Variants in IGSF21 observed in about 807,000 individuals in gnomAD.
IGSF21 encodes immunoglobin superfamily member 21, also known as immunoglobulin superfamily member 21.
A neutral mutation model predicts 46.8 loss-of-function variants in IGSF21; 28 were observed. That is an observed-to-expected ratio of 0.60 (90% CI 0.44 to 0.82). The LOEUF (loss-of-function observed/expected upper bound fraction) is 0.82, where lower values mean the gene tolerates loss of function less well. Among genes scored for constraint, IGSF21 ranks in the 40% least tolerant of loss-of-function variants. The pLI, the probability that IGSF21 is intolerant of heterozygous loss-of-function variation, is 0.00. For missense variants in IGSF21, 624 were observed against 665.5 expected (o/e 0.94, Z 0.69); for synonymous variants, 284 against 273.6 (o/e 1.04, Z -0.38).
chr1:18,306,720 G>A (rs889650230), intron 3 of IGSF21, among the ~76,000 whole-genome samples: 2 of 152,230 alleles, frequency 1.3e-5, no homozygotes, highest in African/African-American at 4.8e-5. Flanking sequence ...TTCTAGTCCT[G>A]ATCCTGTGAC....
At chr1:18,356,859 T>C (rs2086023754) in intron 4 of IGSF21, among the ~76,000 whole-genome samples, 1 of 150,982 alleles carries the variant, frequency 6.6e-6, no homozygotes, top group African/African-American at 2.4e-5. Flanking sequence ...GGGATAGAGA[T>C]GGGGGAGGAG....
At chr1:18,130,369 A>G (rs1299461956) in intron 1 of IGSF21, among the ~76,000 whole-genome samples, 1 of 152,208 alleles carries the variant, frequency 6.6e-6, no homozygotes, top group Non-Finnish European at 1.5e-5. Flanking sequence ...AGCAGTCAGG[A>G]TGAACCATGA....
Position 18,138,021 on chromosome 1 carries a change from T to C in IGSF21, c.70+29823T>C, listed in dbSNP as rs1204537702. Among the ~76,000 whole-genome samples the C allele has an allele frequency of 5.3e-5, 8 of 152,168 alleles. No individual in the cohort carries two copies. In the East Asian group the frequency reaches 1.5e-3, roughly 29 times the overall value. On this transcript the variant is annotated intron_variant, in intron 1 of 9. Transcript: ENST00000251296. ...CCTGGCGATAGAAGCCAGGGCCATC[T>C]TCTTTCTCTCCCTGTCTTTGGCCCA... is the stretch of plus-strand genomic sequence containing the variant.
intron 1 of IGSF21, among the ~76,000 whole-genome samples, chr1:18,214,414 T>C (rs2084422021): frequency 1.3e-5 from 2 of 152,180 alleles, no homozygotes; most frequent in Admixed American, 1.3e-4. Flanking sequence ...TGTTCTTTCA[T>C]GGCCCAAATT....
Position 18,273,039 on chromosome 1 carries a change from C to CTTT in IGSF21, c.184-18804_184-18802dup, listed in dbSNP as rs760448516. 4.7e-4 allele frequency among the ~76,000 whole-genome samples: 38 copies of CTTT among 80,714 alleles called. 1 individual carries two copies. Among genetic ancestry groups the CTTT allele is most frequent in the African/African-American group, 1.8e-3 (34 of 18,702 alleles). 53.0% of individuals were successfully genotyped at this position (80,714 alleles called of 152,430 possible). A position where few individuals can be genotyped will look rare whatever the true frequency, so the allele number is the denominator to read the frequency against. Reference sequence around the variant, plus strand: ...CTTCTCCACTAGCAGCCAGACGGATCTTTTTTTTTTTTTTTTTTTTTTTTT... The same window carrying CTTT: ...CTTCTCCACTAGCAGCCAGACGGATCTTTTTTTTTTTTTTTTTTTTTTTTTTTT... On this transcript the variant is annotated intron_variant, in intron 2 of 9. Transcript: ENST00000251296.
At chr1:18,304,712 CACACACACACACACACAT>C (rs1199714414) in intron 3 of IGSF21, among the ~76,000 whole-genome samples, 6 of 111,654 alleles carry the variant, frequency 5.4e-5, no homozygotes, top group Non-Finnish European at 7.5e-5. Context: ...CACACATACA[CACACACACACACACACAT>C]ACACACACAC....
At chr1:18,238,834 T>C (rs531158704) in intron 2 of IGSF21, among the ~76,000 whole-genome samples, 1 of 152,288 alleles carries the variant, frequency 6.6e-6, no homozygotes, top group East Asian at 1.9e-4. Context: ...TGTGTGATCT[T>C]GAAAAAACCA....
intron 3 of IGSF21, among the ~76,000 whole-genome samples, chr1:18,325,239 CCT>C (rs1009160220): frequency 1.3e-5 from 2 of 152,202 alleles, no homozygotes; most frequent in African/African-American, 4.8e-5. Context: ...TGAAAGAACC[CCT>C]GTCCTCAAGG....
chr1:18,242,277 C>T (rs1254201005), intron 2 of IGSF21, among the ~76,000 whole-genome samples: 1 of 152,130 alleles, frequency 6.6e-6, no homozygotes, highest in African/African-American at 2.4e-5. Context: ...TTCTCCCCCA[C>T]GCTGCCTCCC....
chr1:18,138,957 A>G (rs557463509), intron 1 of IGSF21, among the ~76,000 whole-genome samples: 1 of 152,176 alleles, frequency 6.6e-6, no homozygotes, highest in Non-Finnish European at 1.5e-5. Flanking sequence ...TTTGTCTTCA[A>G]GCACTTAGTA....
chr1:18,180,130 G>A (rs1388968176), intron 1 of IGSF21, among the ~76,000 whole-genome samples: 1 of 152,130 alleles, frequency 6.6e-6, no homozygotes, highest in East Asian at 1.9e-4. Flanking sequence ...TTTCTCCATA[G>A]CACTTCCTGC....
At chr1:18,136,672 G>A (rs1229344241) in intron 1 of IGSF21, among the ~76,000 whole-genome samples, 1 of 152,152 alleles carries the variant, frequency 6.6e-6, no homozygotes, top group Non-Finnish European at 1.5e-5. Context: ...TTGTAGTATA[G>A]TTTGAAGTCA....
In IGSF21 at chr1:18,341,424, A is replaced by G. The variant is rs146821003; in HGVS notation, c.424+6414A>G. 6.5e-3 allele frequency among the ~76,000 whole-genome samples: 986 copies of G among 152,314 alleles called. 15 individuals carry two copies. The highest frequency in any genetic ancestry group is 0.057 in the South Asian group (275 of 4,816). ...ACTTCAACACATCATCTTCAGGGAC[A>G]TAATTCAACCCACAGCAGTAACTGA... On this transcript the variant is annotated intron_variant, in intron 4 of 9. Transcript: ENST00000251296.
intron 2 of IGSF21, among the ~76,000 whole-genome samples, chr1:18,230,890 C>A (rs1371026264): frequency 2.0e-5 from 3 of 151,984 alleles, no homozygotes; most frequent in South Asian, 2.1e-4. Flanking sequence ...ACGAACCCCC[C>A]ACTGTGGCTT....
chr1:18,347,829 A>G (rs1230714916), intron 4 of IGSF21, among the ~76,000 whole-genome samples: 1 of 152,150 alleles, frequency 6.6e-6, no homozygotes, highest in Non-Finnish European at 1.5e-5. Flanking sequence ...GAAACAGACC[A>G]CTTGCTCTTT....
At chr1:18,223,581 A>G (rs2084532291) in intron 1 of IGSF21, among the ~76,000 whole-genome samples, 1 of 152,206 alleles carries the variant, frequency 6.6e-6, no homozygotes, top group African/African-American at 2.4e-5. Flanking sequence ...ACGAGGACCC[A>G]AACTGCCTGT....
At chr1:18,211,526 G>T (rs908276572) in intron 1 of IGSF21, among the ~76,000 whole-genome samples, 1 of 152,148 alleles carries the variant, frequency 6.6e-6, no homozygotes, top group African/African-American at 2.4e-5. Flanking sequence ...TTTTGGGAGA[G>T]AAAAATAAAA....
At chr1:18,246,345 G>T (rs576110510) in intron 2 of IGSF21, among the ~76,000 whole-genome samples, 1 of 151,956 alleles carries the variant, frequency 6.6e-6, no homozygotes, top group African/African-American at 2.4e-5. Context: ...TTTGCCCTTG[G>T]TTTTTGAGCT....
rs1350923886 is a variant in IGSF21 at position 18,334,658 on chromosome 1, A to G, written c.306-234A>G. Among the ~76,000 whole-genome samples, 1 of 152,198 alleles carries G rather than the reference A, an allele frequency of 6.6e-6. No individual in the cohort carries two copies. Among genetic ancestry groups the G allele is most frequent in the African/African-American group, 2.4e-5 (1 of 41,456 alleles). ...TAAATAACTGCTCCAGGACCCACTG[A>G]GCACAAATTGGGCTCTGGCTGAACA... On this transcript the variant is annotated intron_variant, in intron 3 of 9. Transcript: ENST00000251296. The surrounding 1 kb of genome is among the most constrained non-coding windows in gnomAD (Gnocchi z 4.3).
Sources: allele counts gnomAD v4.1 joint callset (sites outside exome capture counted in the v4.1 genomes callset), GRCh38; gene constraint gnomAD v4.1.1; non-coding constraint Gnocchi (gnomAD v3.1); transcripts MANE v1.5; gene names NCBI Gene and HGNC (gene_info 2026-07-23, HGNC 2026-07-21).